Variants in PRKAR2B observed in about 807,000 individuals in gnomAD.
PRKAR2B encodes the protein cAMP-dependent protein kinase type II-beta regulatory subunit.
In PRKAR2B, 14 loss-of-function variants were observed where a neutral mutation model predicts 49.9. The ratio of observed to expected loss-of-function variants is 0.28; its 90% CI spans 0.19 to 0.44. The LOEUF is 0.44. Among genes scored for constraint, PRKAR2B ranks in the 20% least tolerant of loss-of-function variants. PRKAR2B has a pLI of 1.00. For synonymous variants in PRKAR2B, 196 were observed against 197.7 expected (o/e 0.99, Z 0.07); for missense variants, 393 against 537.9 (o/e 0.73, Z 2.67).
At chr7:107,050,333 CTTTTTTTTTTT>C (rs57752789) in intron 1 of PRKAR2B, among the ~76,000 whole-genome samples, 50 of 68,596 alleles carry the variant, frequency 7.3e-4, no homozygotes, top group African/African-American at 3.4e-3. Context: ...CAGTTACCAG[CTTTTTTTTTTT>C]TTTTTTTTTT....
intron 1 of PRKAR2B, chr7:107,067,396 T>C (rs1272075586): frequency 6.6e-6 from 1 of 152,278 alleles, no homozygotes; most frequent in South Asian, 2.1e-4. Context: ...CAAAACCCAG[T>C]ATTTACCTTA....
chr7:107,115,180 C>T (rs2115567133), intron 2 of PRKAR2B, among the ~76,000 whole-genome samples: 1 of 152,138 alleles, frequency 6.6e-6, no homozygotes, highest in African/African-American at 2.4e-5. Flanking sequence ...ATGGCTAATT[C>T]TTAAAGCTCC....
intron 2 of PRKAR2B, among the ~76,000 whole-genome samples, chr7:107,106,731 G>A (rs1795080970): frequency 6.6e-6 from 1 of 152,088 alleles, no homozygotes; most frequent in African/African-American, 2.4e-5. Flanking sequence ...CCGGAGGGGT[G>A]TTTGGTGACT....
At chr7:107,156,541 C>T (rs2115680394) in intron 8 of PRKAR2B, among the ~76,000 whole-genome samples, 1 of 152,242 alleles carries the variant, frequency 6.6e-6, no homozygotes, top group East Asian at 1.9e-4. Context: ...CTCGGTGGCT[C>T]ACGCCTGTAA....
intron 5 of PRKAR2B, among the ~76,000 whole-genome samples, chr7:107,143,608 A>G (rs929140214): frequency 8.5e-5 from 13 of 152,230 alleles, no homozygotes; most frequent in Non-Finnish European, 1.3e-4. Context: ...GAATACAAGT[A>G]AAAAATGATG....
chr7:107,114,324 CTG>C (rs58110858), intron 2 of PRKAR2B, among the ~76,000 whole-genome samples: 22,525 of 130,228 alleles, frequency 0.17, 1,948 homozygotes, highest in East Asian at 0.23. Context: ...GCATGTACAG[CTG>C]TGTGTGTGTG....
intron 1 of PRKAR2B, among the ~76,000 whole-genome samples, chr7:107,064,781 G>T (rs1794101048): frequency 6.6e-6 from 1 of 152,176 alleles, no homozygotes; most frequent in South Asian, 2.1e-4. Context: ...ATTAATAATT[G>T]TGGTCAAGGT....
intron 2 of PRKAR2B, among the ~76,000 whole-genome samples, chr7:107,079,084 A>G (rs1353310052): frequency 6.6e-6 from 1 of 152,180 alleles, no homozygotes; most frequent in Non-Finnish European, 1.5e-5. Context: ...TTAGATCTAT[A>G]AGATAGTATA....
rs1045774420 is a variant in PRKAR2B, at chr7:107,098,154, A to G, written c.344-23798A>G. ...CGTCACTTTCAGGTACAACAATCAG[A>G]CGCAGATTTGGTCTTTCACATAGTC... On this transcript the variant is annotated intron_variant, in intron 2 of 10. Coordinates refer to ENST00000265717, the MANE Select transcript of PRKAR2B (RefSeq NM_002736.3). Among the ~76,000 whole-genome samples the G allele has an allele frequency of 2.2e-4, 34 of 152,200 alleles. 1 individual carries two copies. The highest frequency in any genetic ancestry group is 7.7e-4 in the African/African-American group (32 of 41,446).
chr7:107,119,255 TTGCCTAC>T (rs773218237), intron 2 of PRKAR2B, among the ~76,000 whole-genome samples: 18 of 152,130 alleles, frequency 1.2e-4, no homozygotes, highest in East Asian at 5.8e-4. Flanking sequence ...ACCAAATATC[TTGCCTAC>T]TGCCTACTGC....
At chr7:107,067,437 ATCT>A (rs1407050273) in intron 1 of PRKAR2B, 1 of 152,168 alleles carries the variant, frequency 6.6e-6, no homozygotes, top group African/African-American at 2.4e-5. Context: ...TGGTGCACCC[ATCT>A]TCTTAACTGT....
chr7:107,146,041 A>T (rs979610665), intron 5 of PRKAR2B, among the ~76,000 whole-genome samples: 1 of 151,980 alleles, frequency 6.6e-6, no homozygotes, highest in Non-Finnish European at 1.5e-5. Context: ...GCCTCTCCAG[A>T]TGGTTTTTTA....
chr7:107,136,829 A>C (rs936304652), intron 4 of PRKAR2B, among the ~76,000 whole-genome samples: 3 of 152,222 alleles, frequency 2.0e-5, no homozygotes, highest in African/African-American at 4.8e-5. Context: ...AAGGAGTTGA[A>C]AACTTAGGTC....
chr7:107,111,218 C>T (rs117554802), intron 2 of PRKAR2B, among the ~76,000 whole-genome samples: 3,672 of 151,696 alleles, frequency 0.024, 61 homozygotes, highest in Middle Eastern at 0.048. Flanking sequence ...AGGACTGTCT[C>T]AGTGCCAGCT....
chr7:107,060,522 A>G (rs953125830), intron 1 of PRKAR2B, among the ~76,000 whole-genome samples: 5 of 152,102 alleles, frequency 3.3e-5, no homozygotes, highest in Admixed American at 6.6e-5. Flanking sequence ...CTGTATTTGT[A>G]GTTTATTTTC....
chr7:107,159,626 T>G lies in PRKAR2B; in HGVS notation c.*44T>G. The G allele has an allele frequency of 6.3e-7, 1 of 1,597,272 alleles. No homozygotes were observed. The highest frequency in any genetic ancestry group is 8.6e-7 in the Non-Finnish European group (1 of 1,167,642). ...GACCTGTAGTGACAAAATTACACAGTAGTGGTTAGTCCACTGAGAATGTGT... is the reference window on the plus strand; with the variant it reads ...GACCTGTAGTGACAAAATTACACAGGAGTGGTTAGTCCACTGAGAATGTGT... On this transcript the variant is annotated 3_prime_UTR_variant, in exon 11 of 11. Coordinates refer to ENST00000265717, the MANE Select transcript of PRKAR2B (RefSeq NM_002736.3).
chr7:107,154,239 G>A (rs1013551220), intron 8 of PRKAR2B, among the ~76,000 whole-genome samples: 2 of 152,148 alleles, frequency 1.3e-5, no homozygotes, highest in Non-Finnish European at 2.9e-5. Flanking sequence ...TAGATTCACA[G>A]GAAGTTGCAA....
In PRKAR2B at chr7:107,151,345, G is replaced by A. The variant is rs542650229; in HGVS notation, c.843+322G>A. ...ACTAGTTGTAACTTTACAGTGAGGC[G>A]TTCTCTAGATATAGAATGTCCTCTC... is the stretch of plus-strand genomic sequence containing the variant. On this transcript the variant is annotated intron_variant, in intron 7 of 10. Transcript: ENST00000265717. Among the ~76,000 whole-genome samples the A allele has an allele frequency of 1.1e-4, 16 of 152,276 alleles. No individual in the cohort carries two copies. In the South Asian group the frequency reaches 1.7e-3, roughly 16 times the overall value.
chr7:107,157,749 C>T (rs1285815929), intron 10 of PRKAR2B, among the ~76,000 whole-genome samples: 1 of 152,162 alleles, frequency 6.6e-6, no homozygotes, highest in Non-Finnish European at 1.5e-5. Flanking sequence ...CACAAAGGTT[C>T]AGGTTTGTCA....
Sources: gnomAD v4.1 joint callset for allele counts (sites outside exome capture counted in the v4.1 genomes callset) on GRCh38, gnomAD v4.1.1 for gene constraint, MANE v1.5 for transcripts, NCBI Gene and HGNC (gene_info 2026-07-23, HGNC 2026-07-21) for gene names.